The following KCNH7 variants were observed in gnomAD, a reference collection of about 807,000 sequenced individuals.
The protein encoded by KCNH7 is voltage-gated inwardly rectifying potassium channel KCNH7.
A neutral mutation model predicts 120.8 loss-of-function variants in KCNH7; 49 were observed. That is an observed-to-expected ratio of 0.41 (90% confidence interval 0.32 to 0.51). The LOEUF (loss-of-function observed/expected upper bound fraction) is 0.51. Among genes scored for constraint, KCNH7 ranks in the 20% least tolerant of loss-of-function variants. The pLI, the probability that KCNH7 is intolerant of heterozygous loss-of-function variation, is 0.38. For missense variants in KCNH7, 1,097 were observed against 1,446.6 expected (o/e 0.76, Z 3.92); for synonymous variants, 547 against 516.1 (o/e 1.06, Z -0.81).
At chr2:162,659,291 G>A (rs1221448954) in intron 2 of KCNH7, among the ~76,000 whole-genome samples, 1 of 151,204 alleles carries the variant, frequency 6.6e-6, no homozygotes, top group Non-Finnish European at 1.5e-5. Flanking sequence ...TGTTAAAGTA[G>A]CCTTGCATAT....
At chr2:162,474,813 C>A (rs1442241469) in intron 6 of KCNH7, among the ~76,000 whole-genome samples, 1 of 151,500 alleles carries the variant, frequency 6.6e-6, no homozygotes, top group African/African-American at 2.4e-5. Context: ...AACAGATCAT[C>A]CCTTATTGAT....
intron 2 of KCNH7, among the ~76,000 whole-genome samples, chr2:162,813,904 T>C (rs1028990839): frequency 1.3e-5 from 2 of 152,202 alleles, no homozygotes; most frequent in African/African-American, 2.4e-5. Flanking sequence ...TTTCTTTGAC[T>C]AGCTGATATT....
At chr2:162,417,224 A>G (rs1687568195) in intron 9 of KCNH7, among the ~76,000 whole-genome samples, 1 of 152,182 alleles carries the variant, frequency 6.6e-6, no homozygotes, top group Admixed American at 6.5e-5. Context: ...CATTAGGTTT[A>G]AGAAATGCTG....
chr2:162,599,974 G>T (rs1327609375), intron 2 of KCNH7, among the ~76,000 whole-genome samples: 1 of 152,036 alleles, frequency 6.6e-6, no homozygotes, highest in East Asian at 1.9e-4. Flanking sequence ...TTGCTGCATA[G>T]TTGATTGTAG....
chr2:162,607,524 T>C (rs538624063), intron 2 of KCNH7, among the ~76,000 whole-genome samples: 7 of 152,172 alleles, frequency 4.6e-5, no homozygotes, highest in East Asian at 1.9e-4. Flanking sequence ...ATTAGGAAAA[T>C]AGGGTTTTTG....
rs147747403 is a variant in KCNH7, at chr2:162,453,427, T to C, written c.1129-6984A>G. 1.2e-4 allele frequency among the ~76,000 whole-genome samples: 19 copies of C among 152,320 alleles called. No individual in the cohort carries two copies. In the East Asian group the frequency reaches 3.3e-3, roughly 26 times the overall value. On this transcript the variant is annotated intron_variant, in intron 6 of 15. Transcript: ENST00000332142. ...TGAATAGTGCTGCAATGAACATACA[T>C]GTGCATGTGTCTTTATAGTAGAATG...
intron 2 of KCNH7, among the ~76,000 whole-genome samples, chr2:162,562,922 G>C (rs575574748): frequency 6.6e-6 from 1 of 152,176 alleles, no homozygotes; most frequent in East Asian, 1.9e-4. Flanking sequence ...CAGGAAAGAA[G>C]AATGCTTGCT....
At chr2:162,426,971 T>C (rs1049776046) in intron 8 of KCNH7, among the ~76,000 whole-genome samples, 1 of 152,128 alleles carries the variant, frequency 6.6e-6, no homozygotes, top group African/African-American at 2.4e-5. Context: ...ATAATGTACA[T>C]ATTCATTATG....
intron 2 of KCNH7, among the ~76,000 whole-genome samples, chr2:162,644,960 T>G (rs1419061387): frequency 1.3e-5 from 2 of 152,286 alleles, no homozygotes; most frequent in East Asian, 3.9e-4. Flanking sequence ...AATATATGTG[T>G]GTGTGTATAT....
intron 5 of KCNH7, among the ~76,000 whole-genome samples, chr2:162,506,616 C>CT (rs1431147413): frequency 6.6e-5 from 10 of 151,880 alleles, no homozygotes; most frequent in East Asian, 3.9e-4. Flanking sequence ...TTTCCACTCT[C>CT]TTTTTTTATC....
chr2:162,375,414 G>A (rs181557788), intron 14 of KCNH7, among the ~76,000 whole-genome samples: 5 of 152,280 alleles, frequency 3.3e-5, no homozygotes, highest in Non-Finnish European at 7.4e-5. Context: ...TATTTGAATA[G>A]TGTCTATGAG....
chr2:162,599,846 A>T (rs1366326032), intron 2 of KCNH7, among the ~76,000 whole-genome samples: 1 of 151,912 alleles, frequency 6.6e-6, no homozygotes, highest in Admixed American at 6.6e-5. Flanking sequence ...TAACTTTCTA[A>T]TCAGTGAAGC....
rs541995409 is a variant in KCNH7, at chr2:162,502,431, C to T, written c.1128+2012G>A. ...TTTCTATTTAATTCTTATATCAACTCTGAGAAGTAAGGTTTCCCAGTCCTG... is the reference window on the plus strand; with the variant it reads ...TTTCTATTTAATTCTTATATCAACTTTGAGAAGTAAGGTTTCCCAGTCCTG... On this transcript the variant is annotated intron_variant, in intron 6 of 15. Coordinates refer to ENST00000332142, the MANE Select transcript of KCNH7 (RefSeq NM_033272.4). The T allele has an allele frequency of 4.6e-5, 7 of 152,158 alleles. No individual in the cohort carries two copies. In the South Asian group the frequency reaches 1.5e-3, roughly 32 times the overall value. 9.4% of individuals were successfully genotyped at this position (152,158 alleles called of 1,614,324 possible).
intron 2 of KCNH7, among the ~76,000 whole-genome samples, chr2:162,613,875 A>G (rs1574170732): frequency 6.6e-6 from 1 of 152,008 alleles, no homozygotes; most frequent in Non-Finnish European, 1.5e-5. Flanking sequence ...TATCTCTAAC[A>G]GGACAGAAAC....
intron 4 of KCNH7, among the ~76,000 whole-genome samples, chr2:162,515,311 A>G (rs1024714988): frequency 6.6e-6 from 1 of 151,714 alleles, no homozygotes; most frequent in Non-Finnish European, 1.5e-5. Context: ...ATATTAAATC[A>G]TTCTTTCTCA....
intron 6 of KCNH7, among the ~76,000 whole-genome samples, chr2:162,494,206 G>A (rs1690418796): frequency 6.6e-6 from 1 of 152,110 alleles, no homozygotes; most frequent in African/African-American, 2.4e-5. Flanking sequence ...AGATTTTCAT[G>A]TAATAGTAAA....
At chr2:162,766,454 C>A (rs1438299592) in intron 2 of KCNH7, among the ~76,000 whole-genome samples, 1 of 152,106 alleles carries the variant, frequency 6.6e-6, no homozygotes, top group Non-Finnish European at 1.5e-5. Context: ...CTGTCTAGCA[C>A]CCCTTTGTTG....
chr2:162,825,693 T>G (rs1348973092), intron 2 of KCNH7, among the ~76,000 whole-genome samples: 1 of 152,092 alleles, frequency 6.6e-6, no homozygotes, highest in Non-Finnish European at 1.5e-5. Context: ...TAAGTAATAA[T>G]TGTTGGTAAT....
At chr2:162,585,427 T>G (rs928568583) in intron 2 of KCNH7, among the ~76,000 whole-genome samples, 2 of 152,088 alleles carry the variant, frequency 1.3e-5, no homozygotes, top group Admixed American at 1.3e-4. Context: ...GTCTGTTCAA[T>G]AAAATGTAAT....
Sources: gnomAD v4.1 joint callset for allele counts (sites outside exome capture counted in the v4.1 genomes callset) on GRCh38, gnomAD v4.1.1 for gene constraint, MANE v1.5 for transcripts, NCBI Gene and HGNC (gene_info 2026-07-23, HGNC 2026-07-21) for gene names.